Variants in PRTFDC1 observed in about 807,000 individuals in gnomAD.
The protein encoded by PRTFDC1 is phosphoribosyltransferase domain-containing protein 1.
PRTFDC1 carries 38 observed loss-of-function variants against 34.6 expected under a neutral mutation model. The observed-to-expected ratio is 1.10, with a 90% CI of 0.85 to 1.44. The LOEUF (loss-of-function observed/expected upper bound fraction) is 1.44, where lower values mean the gene tolerates loss of function less well. Among genes scored for constraint, PRTFDC1 ranks in the 40% most tolerant of loss-of-function variants. PRTFDC1 has a pLI of 0.00. For missense variants in PRTFDC1, 270 were observed against 283.0 expected, an observed-to-expected ratio of 0.95 and a Z score of 0.33; for synonymous variants, 93 against 98.1, an observed-to-expected ratio of 0.95 and a Z score of 0.31.
At chr10:24,895,987 C>A (rs1210513495) in intron 3 of PRTFDC1, among the ~76,000 whole-genome samples, 1 of 152,036 alleles carries the variant, frequency 6.6e-6, no homozygotes. Context: ...CACAGTGAAA[C>A]ATCTCTGGCC....
intron 3 of PRTFDC1, among the ~76,000 whole-genome samples, chr10:24,910,311 T>C (rs1193247173): frequency 3.9e-5 from 6 of 152,180 alleles, no homozygotes; most frequent in African/African-American, 1.4e-4. Flanking sequence ...AACATTGCAT[T>C]GAAAACCAGG....
chr10:24,929,232 A>G (rs985376801), intron 3 of PRTFDC1, among the ~76,000 whole-genome samples: 1 of 152,032 alleles, frequency 6.6e-6, no homozygotes, highest in Non-Finnish European at 1.5e-5. Flanking sequence ...ACAAGAGCTG[A>G]CTGATTTAAA....
intron 3 of PRTFDC1, among the ~76,000 whole-genome samples, chr10:24,915,707 G>T (rs1848684294): frequency 1.3e-5 from 2 of 152,182 alleles, no homozygotes; most frequent in Non-Finnish European, 2.9e-5. Flanking sequence ...TGGCTGATTA[G>T]CCCTTGCTTC....
At chr10:24,853,384 G>A (rs1847522724) in intron 7 of PRTFDC1, among the ~76,000 whole-genome samples, 1 of 151,924 alleles carries the variant, frequency 6.6e-6, no homozygotes, top group Non-Finnish European at 1.5e-5. Flanking sequence ...GGCTTAGGTG[G>A]GTGGATCACC....
At position 24,856,981 on chromosome 10, in the gene PRTFDC1, A is replaced by G. The variant is rs1243036568; in HGVS notation, c.438T>C (p.Thr146=). 1 of 1,613,336 alleles carries G rather than the reference A, an allele frequency of 6.2e-7. No homozygotes were observed. The highest frequency in any genetic ancestry group is 1.3e-5 in the African/African-American group (1 of 74,922). Residue 146 remains threonine (T), a synonymous_variant, in exon 6 of 9, where the codon ACT becomes ACC. Coordinates refer to ENST00000320152, the MANE Select transcript of PRTFDC1 (RefSeq NM_020200.7). ...NVLIVEDVVG[T]GRTMKALLSN... is the part of the protein sequence containing the mutation. ...TGAGTAGTGCTTTCATGGTCCTCCC[A>G]GTTCCGACAACATCCTTTGCAAAAA...
At chr10:24,942,729 C>T (rs1849183752) in intron 1 of PRTFDC1, among the ~76,000 whole-genome samples, 1 of 152,188 alleles carries the variant, frequency 6.6e-6, no homozygotes, top group Admixed American at 6.5e-5. Flanking sequence ...CTCACTGCAA[C>T]CTCTGCTTCC....
chr10:24,896,421 G>A (rs115148153), intron 3 of PRTFDC1, among the ~76,000 whole-genome samples: 35 of 152,238 alleles, frequency 2.3e-4, no homozygotes, highest in Admixed American at 8.5e-4. Context: ...ACTGGTCCCC[G>A]GTGACAAAAA....
chr10:24,850,144 A>G (rs759730710), intron 8 of PRTFDC1, among the ~76,000 whole-genome samples: 38 of 152,310 alleles, frequency 2.5e-4, no homozygotes, highest in Middle Eastern at 6.8e-3. Flanking sequence ...AGAAATGCTG[A>G]GGGAGCTGTA....
intron 3 of PRTFDC1, among the ~76,000 whole-genome samples, chr10:24,932,313 G>A (rs1483425311): frequency 1.3e-5 from 2 of 151,770 alleles, no homozygotes; most frequent in Non-Finnish European, 2.9e-5. Flanking sequence ...GCATGATCAT[G>A]CAATAAAAAG....
intron 3 of PRTFDC1, among the ~76,000 whole-genome samples, chr10:24,933,274 A>AT (rs1848996483): frequency 6.6e-6 from 1 of 152,072 alleles, no homozygotes; most frequent in South Asian, 2.1e-4. Context: ...AACTTAAAAA[A>AT]TTTTTTAATA....
intron 3 of PRTFDC1, among the ~76,000 whole-genome samples, chr10:24,913,021 G>T (rs745448221): frequency 6.6e-6 from 1 of 152,052 alleles, no homozygotes; most frequent in Non-Finnish European, 1.5e-5. Flanking sequence ...ACAATTTTTC[G>T]AAATCAGATT....
At chr10:24,937,414 A>T in intron 2 of PRTFDC1, 47 bp from the exon 3 acceptor site, 2 of 1,511,808 alleles carry the variant, frequency 1.3e-6, no homozygotes, top group Non-Finnish European at 1.8e-6. Context: ...ACTTCTGAGT[A>T]TTTATGTTGC....
chr10:24,864,378 C>A (rs993971404), intron 4 of PRTFDC1, among the ~76,000 whole-genome samples: 2 of 152,188 alleles, frequency 1.3e-5, no homozygotes, highest in Non-Finnish European at 2.9e-5. Flanking sequence ...ACAGAGAAAT[C>A]TTTCATGAAA....
chr10:24,911,692 C>G (rs905689344), intron 3 of PRTFDC1, among the ~76,000 whole-genome samples: 16 of 151,514 alleles, frequency 1.1e-4, no homozygotes, highest in Non-Finnish European at 2.2e-4. Context: ...ATGGTGAAAC[C>G]CTGTCTCTAC....
At chr10:24,851,322 C>T in intron 8 of PRTFDC1, 66 bp downstream of exon 8, 2 of 1,571,214 alleles carry the variant, frequency 1.3e-6, no homozygotes, top group East Asian at 2.2e-5. Context: ...AACACGCATT[C>T]AATACTTTTT....
intron 3 of PRTFDC1, among the ~76,000 whole-genome samples, chr10:24,886,001 AAG>A (rs1324321883): frequency 2.0e-5 from 3 of 152,200 alleles, no homozygotes; most frequent in Non-Finnish European, 4.4e-5. Flanking sequence ...GGCAGGGAGA[AAG>A]AGGAAAAACA....
intron 3 of PRTFDC1, among the ~76,000 whole-genome samples, chr10:24,875,502 T>G (rs1847947195): frequency 6.6e-6 from 1 of 152,210 alleles, no homozygotes; most frequent in Non-Finnish European, 1.5e-5. Context: ...TTATATGGTA[T>G]GTATCACTCT....
chr10:24,937,386 A>G lies in PRTFDC1; in HGVS notation c.156-19T>C, dbSNP rs766301678. 1 of 1,597,364 alleles carries G rather than the reference A, an allele frequency of 6.3e-7. No individual in the cohort carries two copies. The highest frequency in any genetic ancestry group is 8.5e-7 in the Non-Finnish European group (1 of 1,171,330). Reference sequence around the variant, plus strand: ...CTCAATTCTGAAAGAAGGATAAAAGATATATTAAGGCACAACTACTTCTGA... The same window carrying G: ...CTCAATTCTGAAAGAAGGATAAAAGGTATATTAAGGCACAACTACTTCTGA... On this transcript the variant is annotated intron_variant, in intron 2 of 8. Coordinates refer to ENST00000320152, the MANE Select transcript of PRTFDC1 (RefSeq NM_020200.7).
At chr10:24,897,431 C>T (rs561138210) in intron 3 of PRTFDC1, among the ~76,000 whole-genome samples, 1 of 152,284 alleles carries the variant, frequency 6.6e-6, no homozygotes, top group South Asian at 2.1e-4. Flanking sequence ...CTCTTCCCCT[C>T]CTCTCAGAAT....
Sources: gnomAD v4.1 joint callset for allele counts (sites outside exome capture counted in the v4.1 genomes callset) on GRCh38, gnomAD v4.1.1 for gene constraint, MANE v1.5 for transcripts, NCBI Gene and HGNC (gene_info 2026-07-23, HGNC 2026-07-21) for gene names.